Variants in COL22A1 observed in about 807,000 individuals in gnomAD.
COL22A1 encodes the protein collagen alpha-1(XXII) chain.
COL22A1 carries 221 observed loss-of-function variants against 248.9 expected under a neutral mutation model. The ratio of observed to expected loss-of-function variants is 0.89; its 90% CI spans 0.80 to 0.99. The LOEUF (loss-of-function observed/expected upper bound fraction) is 0.99. Ranked by LOEUF, COL22A1 falls within the 50% of genes least tolerant of loss-of-function variation. The pLI is 0.00. For synonymous variants in COL22A1, 891 were observed against 793.4 expected (o/e 1.12, Z -2.07); for missense variants, 2,240 against 2,179.0 (o/e 1.03, Z -0.56).
At chr8:138,647,908 A>G (rs1822353067) in intron 46 of COL22A1, among the ~76,000 whole-genome samples, 1 of 152,202 alleles carries the variant, frequency 6.6e-6, no homozygotes, top group African/African-American at 2.4e-5. Flanking sequence ...CAGCCTCTGC[A>G]CTGATATCAA....
chr8:138,679,628 G>T lies in COL22A1; in HGVS notation c.3061C>A (p.Gln1021Lys). The T allele has an allele frequency of 6.2e-7, 1 of 1,613,774 alleles. No homozygotes were observed. The highest frequency in any genetic ancestry group is 1.1e-5 in the South Asian group (1 of 91,070). Reference protein sequence around the residue: ...RGSENCALGGQCVKGDRGAPG... With the variant: ...RGSENCALGGKCVKGDRGAPG... The stretch of plus-strand genomic sequence containing the variant: ...AGATCTTCACTGACCTTAACACATT[G>T]CCCTCCCAGTGCACAGTTTTCTGAC... The change falls in exon 40 of 65, where the codon CAA becomes AAA. Residue 1021 changes from glutamine (Q) to lysine (K), a missense_variant. Gln to Lys is a moderately conservative substitution (Grantham distance 53). Transcript: ENST00000303045.
chr8:138,733,932 T>C (rs549354991), intron 23 of COL22A1, among the ~76,000 whole-genome samples: 1 of 152,172 alleles, frequency 6.6e-6, no homozygotes, highest in Non-Finnish European at 1.5e-5. Context: ...ACTACCTCTC[T>C]GCCCTAAATC....
intron 3 of COL22A1, among the ~76,000 whole-genome samples, chr8:138,852,277 A>C (rs1821701601): frequency 6.6e-6 from 1 of 152,056 alleles, no homozygotes; most frequent in East Asian, 1.9e-4. Flanking sequence ...AGGCCACCAC[A>C]GTGGTCGGGG....
At chr8:138,797,697 A>G (rs767203078) in intron 11 of COL22A1, among the ~76,000 whole-genome samples, 6 of 152,160 alleles carry the variant, frequency 3.9e-5, no homozygotes, top group Non-Finnish European at 8.8e-5. Context: ...ATATTATGCA[A>G]GCAATCCATG....
chr8:138,647,727 T>C (rs1342480945), intron 46 of COL22A1, among the ~76,000 whole-genome samples: 1 of 152,126 alleles, frequency 6.6e-6, no homozygotes, highest in African/African-American at 2.4e-5. Context: ...CTGCCAGAAG[T>C]TGTGGAACAT....
rs562341255 is a variant in COL22A1, at chr8:138,885,791, G to A, written c.-72-2547C>T. The stretch of plus-strand genomic sequence containing the variant: ...TTGGTGAGGCTGGTTTCGAACTCCC[G>A]ACCTCAGTTGATCCGCCTGCCTCTG... On this transcript the variant is annotated intron_variant, in intron 1 of 64. Coordinates refer to ENST00000303045, the MANE Select transcript of COL22A1 (RefSeq NM_152888.3). Among the ~76,000 whole-genome samples, 18 of 152,164 alleles carry A rather than the reference G, an allele frequency of 1.2e-4. No homozygotes were observed. The East Asian group carries it at 2.5e-3, about 21-fold the overall frequency.
chr8:138,891,710 C>T (rs1825085825), intron 1 of COL22A1, among the ~76,000 whole-genome samples: 1 of 152,072 alleles, frequency 6.6e-6, no homozygotes, highest in South Asian at 2.1e-4. Context: ...ATTGCTTCTC[C>T]CAGGATGTTT....
At chr8:138,833,918 C>T (rs529684610) in intron 4 of COL22A1, among the ~76,000 whole-genome samples, 2 of 152,262 alleles carry the variant, frequency 1.3e-5, no homozygotes, top group East Asian at 3.9e-4. Flanking sequence ...AGCAATGATG[C>T]CTACTGGGTA....
chr8:138,679,703 TC>T (rs1825817355), intron 39 of COL22A1, 27 bp from the exon 40 acceptor site: 4 of 1,607,012 alleles, frequency 2.5e-6, no homozygotes, highest in Middle Eastern at 1.7e-4. Flanking sequence ...TTCACTCATT[TC>T]TTCACCAAAC....
intron 22 of COL22A1, among the ~76,000 whole-genome samples, chr8:138,746,868 C>T (rs937277642): frequency 6.6e-6 from 1 of 152,216 alleles, no homozygotes; most frequent in Non-Finnish European, 1.5e-5. Flanking sequence ...CAGTGGATCA[C>T]CGTGGGAGCC....
intron 2 of COL22A1, among the ~76,000 whole-genome samples, chr8:138,881,672 G>A (rs1163285891): frequency 6.6e-6 from 1 of 152,204 alleles, no homozygotes; most frequent in Non-Finnish European, 1.5e-5. Context: ...GCGACAGAGC[G>A]AGACTCCGTC....
intron 22 of COL22A1, among the ~76,000 whole-genome samples, chr8:138,746,950 C>T (rs1277614058): frequency 6.6e-6 from 1 of 152,186 alleles, no homozygotes; most frequent in Admixed American, 6.5e-5. Flanking sequence ...GGGTGCAACC[C>T]GGGCCCTGCC....
At chr8:138,589,697 A>G (rs1480704075) in intron 64 of COL22A1, among the ~76,000 whole-genome samples, 1 of 152,166 alleles carries the variant, frequency 6.6e-6, no homozygotes, top group Non-Finnish European at 1.5e-5. Flanking sequence ...CACTGGAGAG[A>G]AAGAAACAAG....
intron 56 of COL22A1, 104 bp downstream of exon 56, chr8:138,613,763 T>TTC: frequency 9.1e-7 from 1 of 1,104,068 alleles, no homozygotes; most frequent in Non-Finnish European, 1.4e-6. Context: ...TATTACAATT[T>TTC]TTTAACAATA....
At position 138,652,734 on chromosome 8, in the gene COL22A1, G is replaced by GTTTTTTTTTTTTTTTT. The variant is rs1564146836; in HGVS notation, c.3334-2957_3334-2956insAAAAAAAAAAAAAAAA. ...CTAAAATATTTTCTTTTCCTTTTCT[G>GTTTTTTTTTTTTTTTT]GTTTTTTTTTTTTTTTTTTTTTTTT... is the stretch of plus-strand genomic sequence containing the variant. On this transcript the variant is annotated intron_variant, in intron 45 of 64. Coordinates refer to ENST00000303045, the MANE Select transcript of COL22A1 (RefSeq NM_152888.3). Among the ~76,000 whole-genome samples, 10 of 45,876 alleles carry GTTTTTTTTTTTTTTTT rather than the reference G, an allele frequency of 2.2e-4. 1 individual carries two copies. Among genetic ancestry groups the GTTTTTTTTTTTTTTTT allele is most frequent in the African/African-American group, 4.1e-4 (9 of 21,920 alleles). 30.1% of individuals were successfully genotyped at this position (45,876 alleles called of 152,430 possible). A position where few individuals can be genotyped will look rare whatever the true frequency, so the allele number is the denominator to read the frequency against.
chr8:138,785,337 A>G (rs1358126383), intron 12 of COL22A1, among the ~76,000 whole-genome samples: 1 of 152,238 alleles, frequency 6.6e-6, no homozygotes, highest in African/African-American at 2.4e-5. Context: ...TGCCTCTTGC[A>G]CTAACCTGGG....
At chr8:138,753,854 A>G (rs770298854) in intron 21 of COL22A1, among the ~76,000 whole-genome samples, 5 of 152,248 alleles carry the variant, frequency 3.3e-5, no homozygotes, top group Non-Finnish European at 5.9e-5. Context: ...TTGCCTCATG[A>G]TTAAGCAGAG....
chr8:138,723,376 G>T (rs942537583), intron 25 of COL22A1, among the ~76,000 whole-genome samples: 2 of 152,160 alleles, frequency 1.3e-5, no homozygotes, highest in Admixed American at 6.5e-5. Flanking sequence ...GGGGATTAAG[G>T]CTGCCTGAGT....
chr8:138,600,523 C>T (rs1294295092), intron 60 of COL22A1, among the ~76,000 whole-genome samples: 1 of 152,044 alleles, frequency 6.6e-6, no homozygotes, highest in Non-Finnish European at 1.5e-5. Context: ...TAACACACAC[C>T]ACACACAATT....
Sources: gnomAD v4.1 joint callset for allele counts (sites outside exome capture counted in the v4.1 genomes callset) on GRCh38, gnomAD v4.1.1 for gene constraint, MANE v1.5 for transcripts, NCBI Gene and HGNC (gene_info 2026-07-23, HGNC 2026-07-21) for gene names.